Variants in SNX16 observed in about 807,000 individuals in gnomAD.
The protein encoded by SNX16 is sorting nexin 16.
Under a neutral mutation model 36.7 loss-of-function variants are expected in SNX16, and 35 were observed. That is an observed-to-expected ratio of 0.95 (90% CI 0.73 to 1.27). The LOEUF (loss-of-function observed/expected upper bound fraction) is 1.27, where lower values mean the gene tolerates loss of function less well. Ranked by LOEUF, SNX16 falls within the 50% of genes most tolerant of loss-of-function variation. The probability of loss-of-function intolerance (pLI) is 0.00; values close to 1 mark genes in which losing one functional copy is unlikely to be tolerated. For synonymous variants in SNX16, 134 were observed against 132.0 expected, an observed-to-expected ratio of 1.02 and a Z score of -0.10; for missense variants, 367 against 393.6, an observed-to-expected ratio of 0.93 and a Z score of 0.57.
intron 2 of SNX16, among the ~76,000 whole-genome samples, chr8:81,836,719 C>G (rs1185391070): frequency 1.3e-5 from 2 of 152,224 alleles, no homozygotes; most frequent in African/African-American, 4.8e-5. Flanking sequence ...CTAAAAGAAC[C>G]TACTAACTGC....
intron 5 of SNX16, among the ~76,000 whole-genome samples, chr8:81,809,774 T>C (rs139025720): frequency 2.0e-5 from 3 of 152,230 alleles, no homozygotes; most frequent in South Asian, 2.1e-4. Flanking sequence ...TTTTAGCATA[T>C]GCAGTGAAGT....
At position 81,837,142 on chromosome 8, in the gene SNX16, T is replaced by C. The variant is rs527669686; in HGVS notation, c.375+2470A>G. ...TCCTTCTCTGTTTTATTTCTCTCTATAGTGCTTATCACCATGTGACATATC... is the reference window on the plus strand; with the variant it reads ...TCCTTCTCTGTTTTATTTCTCTCTACAGTGCTTATCACCATGTGACATATC... On this transcript the variant is annotated intron_variant, in intron 2 of 7. Transcript: ENST00000345957. Among the ~76,000 whole-genome samples the C allele has an allele frequency of 3.9e-5, 6 of 152,370 alleles. No individual in the cohort carries two copies. In the South Asian group the frequency reaches 1.0e-3, roughly 26 times the overall value.
chr8:81,818,296 C>T (rs1268683427), intron 4 of SNX16, among the ~76,000 whole-genome samples: 1 of 151,742 alleles, frequency 6.6e-6, no homozygotes, highest in Non-Finnish European at 1.5e-5. Flanking sequence ...TATATAAATA[C>T]TAAGATTAAC....
chr8:81,819,849 G>A (rs949213885), intron 4 of SNX16, among the ~76,000 whole-genome samples: 15 of 151,920 alleles, frequency 9.9e-5, no homozygotes, highest in East Asian at 3.9e-4. Flanking sequence ...CATTCAATTC[G>A]TATTTTCTTC....
At chr8:81,834,007 C>T (rs1230456201) in intron 2 of SNX16, among the ~76,000 whole-genome samples, 1 of 152,030 alleles carries the variant, frequency 6.6e-6, no homozygotes, top group Non-Finnish European at 1.5e-5. Context: ...ACAAAATGAA[C>T]ACACCTAAAG....
intron 3 of SNX16, among the ~76,000 whole-genome samples, chr8:81,824,558 G>T (rs566148088): frequency 6.6e-6 from 1 of 151,866 alleles, no homozygotes; most frequent in South Asian, 2.1e-4. Flanking sequence ...TTACTCCAAG[G>T]CTGTAAAGAT....
chr8:81,822,610 A>G (rs1810797602), intron 4 of SNX16, among the ~76,000 whole-genome samples: 1 of 152,006 alleles, frequency 6.6e-6, no homozygotes, highest in Non-Finnish European at 1.5e-5. Context: ...AGAAGTAGAC[A>G]GACTTGAGTG....
Position 81,823,168 on chromosome 8 carries a change from A to G in SNX16, c.611+624T>C, listed in dbSNP as rs535998897. Among the ~76,000 whole-genome samples, 8 of 151,770 alleles carry G rather than the reference A, an allele frequency of 5.3e-5. No homozygotes were observed. The South Asian group carries it at 1.7e-3, about 31-fold the overall frequency. ...CCCAAGTTATCTATAAGCTATTGCT[A>G]CACTGTAAATGCTTTCTACTTTTTT... On this transcript the variant is annotated intron_variant, in intron 4 of 7. Coordinates refer to ENST00000345957, the MANE Select transcript of SNX16 (RefSeq NM_152836.3).
Position 81,839,812 on chromosome 8 carries a change from C to A in SNX16, c.175G>T (p.Asp59Tyr). 6.2e-7 allele frequency: 1 copy of A among 1,613,662 alleles called. No individual in the cohort carries two copies. The highest frequency in any genetic ancestry group is 8.5e-7 in the Non-Finnish European group (1 of 1,179,640). The change falls in exon 2 of 8, where the codon GAT (aspartate) becomes TAT (tyrosine). Residue 59 changes from aspartate (D) to tyrosine (Y), a missense_variant. Physicochemically the swap from Asp to Tyr is radical, Grantham distance 160. Transcript: ENST00000345957. ...ACAGATGAAGTATTATCCATTTGAT[C>A]AGGAACACTTGTCTGTTTAAAATTA... Reference protein sequence around the residue: ...MGNFKQTSVPDQMDNTSSVCS... With the variant: ...MGNFKQTSVPYQMDNTSSVCS...
chr8:81,819,011 C>T (rs1419261027), intron 4 of SNX16, among the ~76,000 whole-genome samples: 1 of 152,028 alleles, frequency 6.6e-6, no homozygotes, highest in Non-Finnish European at 1.5e-5. Flanking sequence ...TGTTTGGATA[C>T]TATTTTCTTT....
intron 2 of SNX16, among the ~76,000 whole-genome samples, chr8:81,836,480 T>C (rs1040911299): frequency 6.6e-6 from 1 of 152,202 alleles, no homozygotes; most frequent in Non-Finnish European, 1.5e-5. Context: ...AAAACAAATT[T>C]TGATCATCCC....
At chr8:81,812,594 CTG>C (rs956357364) in intron 5 of SNX16, among the ~76,000 whole-genome samples, 3 of 151,924 alleles carry the variant, frequency 2.0e-5, no homozygotes, top group African/African-American at 4.8e-5. Flanking sequence ...TAAACAAAGA[CTG>C]TGAGAATTTG....
chr8:81,839,515 T>C, intron 2 of SNX16, 97 bp downstream of exon 2: 1 of 1,191,954 alleles, frequency 8.4e-7, no homozygotes, highest in Non-Finnish European at 1.2e-6. Flanking sequence ...TTCAAGAAAT[T>C]ATAAGTACAA....
intron 4 of SNX16, among the ~76,000 whole-genome samples, 180 bp downstream of exon 4, chr8:81,823,612 A>G (rs2130708275): frequency 6.6e-6 from 1 of 152,284 alleles, no homozygotes; most frequent in Middle Eastern, 3.4e-3. Flanking sequence ...GAAATGTCAA[A>G]TAAAGTCCTT....
At position 81,823,865 on chromosome 8, in the gene SNX16, A is replaced by T. The variant is rs1269006161; in HGVS notation, c.538T>A (p.Phe180Ile). Residue 180 changes from phenylalanine to isoleucine, a missense_variant, in exon 4 of 8, where the codon TTT becomes ATT. Phe to Ile is a conservative substitution (Grantham distance 21). Coordinates refer to ENST00000345957, the MANE Select transcript of SNX16 (RefSeq NM_152836.3). ...RWFKDNYNAD[F>I]LEDRQLGLQA... ...AATCCTAATTGTCTGTCTTCTAAAAAGTCAGCATTGTAATTATCTTTAAAC... is the reference window on the plus strand; with the variant it reads ...AATCCTAATTGTCTGTCTTCTAAAATGTCAGCATTGTAATTATCTTTAAAC... 6.2e-7 allele frequency: 1 copy of T among 1,612,450 alleles called. No individual in the cohort carries two copies. Among genetic ancestry groups the T allele is most frequent in the Non-Finnish European group, 8.5e-7 (1 of 1,179,168 alleles).
intron 4 of SNX16, 157 bp from the exon 5 acceptor site, chr8:81,815,551 C>T: frequency 2.0e-6 from 1 of 500,134 alleles, no homozygotes; most frequent in South Asian, 2.6e-5. Flanking sequence ...ATAGAAGATG[C>T]AAAGATCTTA....
intron 4 of SNX16, among the ~76,000 whole-genome samples, chr8:81,816,854 T>C (rs1268591695): frequency 6.6e-6 from 1 of 152,182 alleles, no homozygotes; most frequent in East Asian, 1.9e-4. Context: ...TCTTCTGTCT[T>C]ATGCTTTGGT....
Position 81,829,716 on chromosome 8 carries a change from A to C in SNX16, c.376-200T>G, listed in dbSNP as rs531796359. Among the ~76,000 whole-genome samples, 125 of 152,246 alleles carry C rather than the reference A, an allele frequency of 8.2e-4. 1 individual carries two copies. The highest frequency in any genetic ancestry group is 6.8e-3 in the Middle Eastern group (2 of 294). On this transcript the variant is annotated intron_variant, in intron 2 of 7. Transcript: ENST00000345957. ...CCAAAAGCCAGATTTTTTCCTTAGG[A>C]AATATAACAGATTTGAGACAAAACG...
rs1459342772 is a variant in SNX16, at chr8:81,799,776, A to G, written c.*1721T>C. 1.3e-5 allele frequency: 2 copies of G among 151,974 alleles called. No individual in the cohort carries two copies. The highest frequency in any genetic ancestry group is 4.8e-5 in the African/African-American group (2 of 41,442). 9.4% of individuals were successfully genotyped at this position (151,974 alleles called of 1,614,324 possible). ...TGAAAAAGTGGCTGGTTCGCTTTAG[A>G]ACAGACAGGCAACACTATAATATCT... On this transcript the variant is annotated 3_prime_UTR_variant, in exon 8 of 8. Coordinates refer to ENST00000345957, the MANE Select transcript of SNX16 (RefSeq NM_152836.3).
Sources: gnomAD v4.1 joint callset for allele counts (sites outside exome capture counted in the v4.1 genomes callset) on GRCh38, gnomAD v4.1.1 for gene constraint, MANE v1.5 for transcripts, NCBI Gene and HGNC (gene_info 2026-07-23, HGNC 2026-07-21) for gene names.